CADM2: variants seen among roughly 807,000 people sequenced by gnomAD.
CADM2 encodes the protein immunoglobulin superfamily member 4D.
Under a neutral mutation model 49.8 loss-of-function variants are expected in CADM2, and 12 were observed. The observed-to-expected ratio is 0.24, with a 90% CI of 0.15 to 0.39. CADM2 has a LOEUF of 0.39. Among genes scored for constraint, CADM2 ranks in the 10% least tolerant of loss-of-function variants. The probability of loss-of-function intolerance (pLI) is 1.00; values close to 1 mark genes in which losing one functional copy is unlikely to be tolerated. For synonymous variants in CADM2, 214 were observed against 175.4 expected (o/e 1.22, Z -1.74); for missense variants, 378 against 492.3 (o/e 0.77, Z 2.20).
At chr3:85,797,308 C>A (rs959498469) in intron 2 of CADM2, among the ~76,000 whole-genome samples, 1 of 151,872 alleles carries the variant, frequency 6.6e-6, no homozygotes, top group Non-Finnish European at 1.5e-5. Flanking sequence ...GCAGAACGTG[C>A]AGGTTTGTTC....
At chr3:85,863,321 G>C (rs1230108710) in intron 3 of CADM2, among the ~76,000 whole-genome samples, 1 of 152,150 alleles carries the variant, frequency 6.6e-6, no homozygotes, top group Non-Finnish European at 1.5e-5. Context: ...AATTGCCAAT[G>C]TCATTGCATT....
At chr3:85,075,271 A>G (rs916825740) in intron 1 of CADM2, among the ~76,000 whole-genome samples, 11 of 151,964 alleles carry the variant, frequency 7.2e-5, no homozygotes, top group African/African-American at 2.7e-4. Flanking sequence ...CATAATTTGA[A>G]CCAATAGAAG....
chr3:85,902,761 T>C (rs1313873353), intron 5 of CADM2, among the ~76,000 whole-genome samples: 1 of 151,642 alleles, frequency 6.6e-6, no homozygotes, highest in Non-Finnish European at 1.5e-5. Flanking sequence ...TCATATATAT[T>C]AACTTATCAG....
intron 1 of CADM2, among the ~76,000 whole-genome samples, chr3:85,543,208 A>G (rs1382202678): frequency 2.0e-5 from 3 of 151,838 alleles, no homozygotes; most frequent in African/African-American, 7.3e-5. Flanking sequence ...TCCTACACCC[A>G]TATCTAAAGT....
intron 2 of CADM2, among the ~76,000 whole-genome samples, chr3:85,764,996 C>A (rs2069586722): frequency 6.6e-6 from 1 of 151,774 alleles, no homozygotes; most frequent in African/African-American, 2.4e-5. Context: ...TTCTAAAGTG[C>A]TGCTTTTTCT....
intron 1 of CADM2, among the ~76,000 whole-genome samples, chr3:85,216,830 T>C (rs1324852934): frequency 6.6e-6 from 1 of 152,106 alleles, no homozygotes; most frequent in Non-Finnish European, 1.5e-5. Context: ...AACTCTAATA[T>C]ATTTTCTTTG....
chr3:85,886,087 G>C, intron 4 of CADM2, 103 bp from the exon 5 acceptor site: 1 of 1,514,924 alleles, frequency 6.6e-7, no homozygotes, highest in Non-Finnish European at 8.9e-7. Context: ...CGAACTTCTT[G>C]TCAATTAACC....
At chr3:84,996,332 T>A (rs1404505316) in intron 1 of CADM2, among the ~76,000 whole-genome samples, 1 of 152,104 alleles carries the variant, frequency 6.6e-6, no homozygotes, top group East Asian at 1.9e-4. Flanking sequence ...CAATAATATG[T>A]TTCATAAAAT....
In CADM2 at chr3:84,963,591, G is replaced by A. The variant is rs555422450; in HGVS notation, c.61+3923G>A. On this transcript the variant is annotated intron_variant, in intron 1 of 9. Coordinates refer to ENST00000383699, the MANE Select transcript of CADM2 (RefSeq NM_001167675.2). ...TTTGTTTGTTTGTTTGTTTTTTGCCGTGGTATATTCTGGTAAATTATTTGT... is the reference window on the plus strand; with the variant it reads ...TTTGTTTGTTTGTTTGTTTTTTGCCATGGTATATTCTGGTAAATTATTTGT... Among the ~76,000 whole-genome samples the A allele has an allele frequency of 3.7e-4, 57 of 152,026 alleles. No individual in the cohort carries two copies. The South Asian group carries it at 7.7e-3, about 21-fold the overall frequency.
At position 85,714,218 on chromosome 3, in the gene CADM2, A is replaced by G. The variant is rs545422887; in HGVS notation, c.62-12304A>G. 4.5e-4 allele frequency among the ~76,000 whole-genome samples: 69 copies of G among 152,274 alleles called. 1 individual carries two copies. The highest frequency in any genetic ancestry group is 1.6e-3 in the African/African-American group (67 of 41,554). On this transcript the variant is annotated intron_variant, in intron 1 of 9. Transcript: ENST00000383699. ...CATTCTCCATTTGCACAGCTTTTCC[A>G]GAATTGACTTACTATCTAGTAATAA...
chr3:85,618,299 A>G (rs2063857870), intron 1 of CADM2, among the ~76,000 whole-genome samples: 1 of 152,152 alleles, frequency 6.6e-6, no homozygotes, highest in Admixed American at 6.6e-5. Context: ...ATCACAATAT[A>G]TGAATAAGAT....
chr3:86,060,958 G>A (rs1464128589), intron 8 of CADM2, among the ~76,000 whole-genome samples: 2 of 151,212 alleles, frequency 1.3e-5, no homozygotes, highest in Non-Finnish European at 2.9e-5. Flanking sequence ...CTCCAGCCTG[G>A]GCTACAGAGC....
intron 2 of CADM2, among the ~76,000 whole-genome samples, chr3:85,750,085 G>A (rs969664015): frequency 2.6e-5 from 4 of 151,930 alleles, no homozygotes; most frequent in Admixed American, 2.0e-4. Context: ...AATTTTTAAA[G>A]CTATAGTCTG....
At chr3:85,328,175 C>T (rs2044808243) in intron 1 of CADM2, among the ~76,000 whole-genome samples, 1 of 152,134 alleles carries the variant, frequency 6.6e-6, no homozygotes, top group Non-Finnish European at 1.5e-5. Flanking sequence ...TTTTGAAACC[C>T]TTAGTGTTTA....
At chr3:85,817,194 T>G in intron 3 of CADM2, among the ~76,000 whole-genome samples, 1 of 152,258 alleles carries the variant, frequency 6.6e-6, no homozygotes, top group African/African-American at 2.4e-5. Context: ...AGTCTCCTGG[T>G]TTTACACCTT....
At chr3:85,002,839 G>A (rs2033532250) in intron 1 of CADM2, among the ~76,000 whole-genome samples, 2 of 152,026 alleles carry the variant, frequency 1.3e-5, no homozygotes, top group African/African-American at 2.4e-5. Flanking sequence ...AGGATGGAGT[G>A]CTATGGTGTG....
At chr3:85,912,645 T>C in intron 6 of CADM2, 102 bp downstream of exon 6, 1 of 1,174,352 alleles carries the variant, frequency 8.5e-7, no homozygotes, top group Middle Eastern at 2.1e-4. Context: ...AAAGGTGCAG[T>C]AAAATCCACG....
At chr3:85,660,968 A>C (rs2065384842) in intron 1 of CADM2, among the ~76,000 whole-genome samples, 1 of 151,826 alleles carries the variant, frequency 6.6e-6, no homozygotes, top group Non-Finnish European at 1.5e-5. Flanking sequence ...ATTTTCATTT[A>C]CTGAGCAAAG....
At chr3:85,344,309 A>C (rs1262411811) in intron 1 of CADM2, among the ~76,000 whole-genome samples, 1 of 151,780 alleles carries the variant, frequency 6.6e-6, no homozygotes, top group Non-Finnish European at 1.5e-5. Flanking sequence ...TGAACTCGGG[A>C]ACTGGAGGTT....
Sources: gnomAD v4.1 joint callset for allele counts (sites outside exome capture counted in the v4.1 genomes callset) on GRCh38, gnomAD v4.1.1 for gene constraint, MANE v1.5 for transcripts, NCBI Gene and HGNC (gene_info 2026-07-23, HGNC 2026-07-21) for gene names.